Variants in MTOR observed in about 807,000 individuals in gnomAD.
MTOR encodes serine/threonine-protein kinase mTOR.
A neutral mutation model predicts 319.8 loss-of-function variants in MTOR; 70 were observed. The observed-to-expected ratio is 0.22, with a 90% confidence interval of 0.18 to 0.27. The LOEUF (loss-of-function observed/expected upper bound fraction) is 0.27, where lower values mean the gene tolerates loss of function less well. Among genes scored for constraint, MTOR ranks in the 10% least tolerant of loss-of-function variants. The pLI is 1.00. For missense variants in MTOR, 1,890 were observed against 3,274.4 expected (o/e 0.58, Z 10.32); for synonymous variants, 1,183 against 1,211.4 (o/e 0.98, Z 0.49).
At chr1:11,164,409 G>T (rs1644577338) in intron 29 of MTOR, among the ~76,000 whole-genome samples, 1 of 150,540 alleles carries the variant, frequency 6.6e-6, no homozygotes, top group Non-Finnish European at 1.5e-5. Flanking sequence ...ATGATAAAGG[G>T]GATATCACCA....
At chr1:11,231,092 T>A in intron 17 of MTOR, 38 bp from the exon 18 acceptor site, 2 of 1,613,910 alleles carry the variant, frequency 1.2e-6, no homozygotes, top group Non-Finnish European at 1.7e-6. Flanking sequence ...AAAACATTCA[T>A]CACAACATGA....
intron 28 of MTOR, chr1:11,193,869 C>A (rs1645664585): frequency 2.9e-5 from 36 of 1,234,464 alleles, no homozygotes; most frequent in Non-Finnish European, 3.9e-5. Flanking sequence ...TGATTCAAGA[C>A]AAATCTGTAT....
At position 11,216,217 on chromosome 1, in the gene MTOR, C is replaced by T. The variant is rs779099406; in HGVS notation, c.3048G>A (p.Leu1016=). The change falls in exon 20 of 58, where the codon CTG becomes CTA. Residue 1016 remains leucine, a synonymous_variant. Transcript: ENST00000361445. ...TCTTCACAAAGGACACCAACATTCCCAGCTGCTGGAACAAAAACTGAAATG... is the reference window on the plus strand; with the variant it reads ...TCTTCACAAAGGACACCAACATTCCTAGCTGCTGGAACAAAAACTGAAATG... ...GAIREFLFQQ[L]GMLVSFVKSH... The T allele has an allele frequency of 3.0e-5, 49 of 1,613,920 alleles. No homozygotes were observed. Among genetic ancestry groups the T allele is most frequent in the Non-Finnish European group, 3.9e-5 (46 of 1,179,948 alleles).
rs535187882 is a variant in MTOR at position 11,210,870 on chromosome 1, C to T, written c.3598G>A (p.Val1200Met). The T allele has an allele frequency of 3.1e-6, 5 of 1,613,616 alleles. No individual in the cohort carries two copies. The highest frequency in any genetic ancestry group is 4.5e-5 in the East Asian group (2 of 44,868). The change falls in exon 24 of 58, where the codon GTG (valine) becomes ATG (methionine). Residue 1200 changes from valine to methionine, a missense_variant. This residue lies in a region of MTOR where 115 missense variants were observed against 105.7 expected (regional missense o/e 1.09). Coordinates refer to ENST00000361445, the MANE Select transcript of MTOR (RefSeq NM_004958.4). The part of the protein sequence containing the change: ...IFIPMVNKVL[V>M]RHRINHQRYD... ...CGCTGATGATTGATTCGGTGTCGCACCAGAACTTTATTCACCATTGGAATG... is the reference window on the plus strand; with the variant it reads ...CGCTGATGATTGATTCGGTGTCGCATCAGAACTTTATTCACCATTGGAATG...
At chr1:11,219,913 G>T (rs1403603183) in intron 19 of MTOR, among the ~76,000 whole-genome samples, 1 of 151,426 alleles carries the variant, frequency 6.6e-6, no homozygotes, top group Non-Finnish European at 1.5e-5. Flanking sequence ...CACGCCTGTA[G>T]TTCCAGCTAC....
At chr1:11,195,230 T>C (rs1361421933) in intron 28 of MTOR, 1 of 580,588 alleles carries the variant, frequency 1.7e-6, no homozygotes, top group Non-Finnish European at 3.0e-6. Context: ...TTAAACCCAC[T>C]GGGTCCTGCC....
At chr1:11,118,228 ATTTT>A (rs771785403) in intron 49 of MTOR, among the ~76,000 whole-genome samples, 15 of 120,764 alleles carry the variant, frequency 1.2e-4, no homozygotes, top group African/African-American at 3.6e-4. Flanking sequence ...AACTTAGTTA[ATTTT>A]TTTTTTTTTT....
intron 19 of MTOR, among the ~76,000 whole-genome samples, chr1:11,217,303 T>C (rs1015063177): frequency 6.6e-6 from 1 of 152,152 alleles, no homozygotes; most frequent in Non-Finnish European, 1.5e-5. Context: ...TAAAGATTTG[T>C]CTTCAAGATG....
chr1:11,111,675 C>G (rs1007950309), intron 54 of MTOR: 1 of 153,480 alleles, frequency 6.5e-6, no homozygotes, highest in Non-Finnish European at 1.4e-5. Context: ...GACTATTTCA[C>G]GCAGGTTATG....
At position 11,129,634 on chromosome 1, in the gene MTOR, T is replaced by G. The variant is rs565761099; in HGVS notation, c.5714+104A>C. 45 of 957,906 alleles carry G rather than the reference T, an allele frequency of 4.7e-5. No individual in the cohort carries two copies. Among genetic ancestry groups the G allele is most frequent in the Non-Finnish European group, 7.0e-5 (43 of 615,670 alleles). 59.3% of individuals were successfully genotyped at this position (957,906 alleles called of 1,614,324 possible). A position where few individuals can be genotyped will look rare whatever the true frequency, so the allele number is the denominator to read the frequency against. On this transcript the variant is annotated intron_variant, in intron 40 of 57. Transcript: ENST00000361445. The surrounding 1 kb of genome is among the most constrained non-coding windows in gnomAD (Gnocchi z 4.7). ...AAAAGGCACATACATCGATCTTGGG[T>G]GTCCTGATCAGGGTCAGGAAGGGAA... is the stretch of plus-strand genomic sequence containing the variant.
chr1:11,189,424 T>G (rs529668398), intron 28 of MTOR: 1 of 939,374 alleles, frequency 1.1e-6, no homozygotes, highest in South Asian at 1.6e-5. Context: ...TGAGAAAGGC[T>G]AGCAAAGAGC....
intron 54 of MTOR, chr1:11,111,510 T>C (rs888118782): frequency 2.1e-5 from 4 of 193,634 alleles, no homozygotes; most frequent in Non-Finnish European, 4.1e-5. Flanking sequence ...GAAAGAAAAA[T>C]TACCCTTTGT....
intron 10 of MTOR, among the ~76,000 whole-genome samples, chr1:11,241,118 G>A (rs555049786): frequency 1.7e-4 from 26 of 151,644 alleles, no homozygotes; most frequent in Non-Finnish European, 2.8e-4. Context: ...TCAGGAGATC[G>A]AGACCATCCT....
intron 32 of MTOR, among the ~76,000 whole-genome samples, 200 bp downstream of exon 32, chr1:11,146,476 C>A (rs1277608407): frequency 1.3e-5 from 2 of 152,190 alleles, no homozygotes; most frequent in African/African-American, 2.4e-5. Flanking sequence ...ACACATTTGT[C>A]CCCCTCAGAA....
chr1:11,196,205 T>C (rs1190892650), intron 28 of MTOR, among the ~76,000 whole-genome samples: 5 of 152,124 alleles, frequency 3.3e-5, no homozygotes, highest in African/African-American at 1.2e-4. Flanking sequence ...AGTGAAGGCA[T>C]CCAGCCTTAT....
Position 11,185,049 on chromosome 1 carries a change from C to T in MTOR, c.4253+14209G>A, listed in dbSNP as rs575491814. On this transcript the variant is annotated intron_variant, in intron 28 of 57. Coordinates refer to ENST00000361445, the MANE Select transcript of MTOR (RefSeq NM_004958.4). ...ATCCTCTCCCATTCCTGGCTATTTC[C>T]TCCTTTTTCTTTAAAACCTAGGTAT... Among the ~76,000 whole-genome samples the T allele has an allele frequency of 2.6e-5, 4 of 152,266 alleles. No homozygotes were observed. The South Asian group carries it at 8.3e-4, about 32-fold the overall frequency.
intron 37 of MTOR, 81 bp downstream of exon 37, chr1:11,134,270 C>A: frequency 2.3e-6 from 3 of 1,282,860 alleles, no homozygotes; most frequent in South Asian, 1.2e-5. Context: ...ACCCAAGAAG[C>A]CTTGAACTCC....
intron 19 of MTOR, among the ~76,000 whole-genome samples, chr1:11,221,203 C>T (rs1272295005): frequency 6.6e-6 from 1 of 152,050 alleles, no homozygotes; most frequent in Non-Finnish European, 1.5e-5. Flanking sequence ...TCATGTTGGC[C>T]AGGCTGGTCT....
rs553391825 is a variant in MTOR at position 11,135,283 on chromosome 1, GA to G, written c.5131-818del. On this transcript the variant is annotated intron_variant, in intron 36 of 57. Transcript: ENST00000361445. Reference sequence around the variant, plus strand: ...TCTTTTCTGGTTTTTCTAGAGGGGGGAAAACCCACAAATAGAAAAAAAAATA... The same window carrying G: ...TCTTTTCTGGTTTTTCTAGAGGGGGGAAACCCACAAATAGAAAAAAAAATA... Among the ~76,000 whole-genome samples the G allele has an allele frequency of 2.0e-5, 3 of 151,678 alleles. No individual in the cohort carries two copies. In the South Asian group the frequency reaches 6.2e-4, roughly 32 times the overall value.
Sources: gnomAD v4.1 joint callset for allele counts (sites outside exome capture counted in the v4.1 genomes callset) on GRCh38, gnomAD v4.1.1 for gene constraint, gnomAD v4.1.1 regional missense constraint, Gnocchi (gnomAD v3.1) non-coding constraint, MANE v1.5 for transcripts, NCBI Gene and HGNC (gene_info 2026-07-23, HGNC 2026-07-21) for gene names.